PEMT: variants seen among roughly 807,000 people sequenced by gnomAD.
PEMT encodes phospholipid methyltransferase.
PEMT carries 23 observed loss-of-function variants against 27.4 expected under a neutral mutation model. The ratio of observed to expected loss-of-function variants is 0.84; its 90% CI spans 0.60 to 1.19. PEMT has a LOEUF of 1.19. Among genes scored for constraint, PEMT ranks in the 50% most tolerant of loss-of-function variants. The pLI, the probability that PEMT is intolerant of heterozygous loss-of-function variation, is 0.00. For missense variants in PEMT, 307 were observed against 310.1 expected (o/e 0.99, Z 0.07); for synonymous variants, 137 against 139.1 (o/e 0.98, Z 0.11).
At chr17:17,539,011 TTTTG>T (rs1320929902) in intron 2 of PEMT, among the ~76,000 whole-genome samples, 2 of 152,142 alleles carry the variant, frequency 1.3e-5, no homozygotes, top group African/African-American at 2.4e-5. Flanking sequence ...CAGCTTTTTG[TTTTG>T]TTTTTGTTTC....
intron 3 of PEMT, among the ~76,000 whole-genome samples, chr17:17,519,786 G>T (rs1196209561): frequency 1.3e-5 from 2 of 152,208 alleles, no homozygotes; most frequent in African/African-American, 4.8e-5. Context: ...TGCAAGATGA[G>T]ATTGCGCAGG....
intron 1 of PEMT, among the ~76,000 whole-genome samples, chr17:17,581,710 C>T (rs1449821634): frequency 1.3e-5 from 2 of 152,230 alleles, no homozygotes; most frequent in African/African-American, 4.8e-5. Context: ...CCCTCTCCCT[C>T]CTGTGCCCAG....
chr17:17,560,166 G>A (rs56656484), intron 2 of PEMT, among the ~76,000 whole-genome samples: 1 of 152,192 alleles, frequency 6.6e-6, no homozygotes, highest in Admixed American at 6.5e-5. Context: ...GGCAGGCATC[G>A]GGTGAAGGCA....
chr17:17,570,731 G>A, intron 2 of PEMT: 1 of 985,392 alleles, frequency 1.0e-6, no homozygotes, highest in African/African-American at 1.7e-5. Flanking sequence ...GGAAAACCTG[G>A]GGACCTCTGA....
chr17:17,576,245 G>GC (rs1039314678), intron 2 of PEMT, among the ~76,000 whole-genome samples: 33 of 152,286 alleles, frequency 2.2e-4, no homozygotes, highest in African/African-American at 7.7e-4. Context: ...GGAACTGACG[G>GC]CCCTCCCCTC....
intron 2 of PEMT, chr17:17,570,579 C>T (rs1056966822): frequency 3.9e-5 from 38 of 985,256 alleles, no homozygotes; most frequent in South Asian, 3.8e-4. Context: ...CTCCAAGCTG[C>T]GGTAACAAAG....
At chr17:17,531,693 TG>T (rs1234490204) in intron 2 of PEMT, among the ~76,000 whole-genome samples, 1 of 143,936 alleles carries the variant, frequency 6.9e-6, no homozygotes, top group East Asian at 2.1e-4. Context: ...GAATTCAAGA[TG>T]GACTATAAAT....
chr17:17,563,639 C>T (rs544702751), intron 2 of PEMT, among the ~76,000 whole-genome samples: 12 of 152,322 alleles, frequency 7.9e-5, no homozygotes, highest in African/African-American at 2.2e-4. Context: ...ATGCTGCTAC[C>T]GTAAGCGGGT....
At chr17:17,541,536 C>CA (rs1242066189) in intron 2 of PEMT, among the ~76,000 whole-genome samples, 1 of 152,228 alleles carries the variant, frequency 6.6e-6, no homozygotes, top group Non-Finnish European at 1.5e-5. Context: ...CCCAAGGCGC[C>CA]AGTTCCCTGG....
At chr17:17,577,554 C>T (rs534642638) in intron 1 of PEMT, 26 of 989,288 alleles carry the variant, frequency 2.6e-5, no homozygotes, top group African/African-American at 2.6e-4. Flanking sequence ...ATCCCGGCCA[C>T]GCCACCCGCA....
chr17:17,552,488 G>A (rs1021627049), intron 2 of PEMT, among the ~76,000 whole-genome samples: 17 of 152,174 alleles, frequency 1.1e-4, no homozygotes, highest in Admixed American at 7.2e-4. Flanking sequence ...GCTGATCCCC[G>A]TGAGGAGACA....
chr17:17,567,295 C>T (rs4646359), intron 2 of PEMT, among the ~76,000 whole-genome samples: 68,069 of 152,210 alleles, frequency 0.45, 15,798 homozygotes, highest in Middle Eastern at 0.52. Context: ...CAGTTCGAGA[C>T]ACCTTGTTGT....
At chr17:17,518,884 G>A (rs1907057301) in intron 3 of PEMT, 1 of 152,288 alleles carries the variant, frequency 6.6e-6, no homozygotes, top group Non-Finnish European at 1.5e-5. Context: ...GGCCTATAGG[G>A]TGAGGAAAAA....
In PEMT at chr17:17,508,976, G is replaced by A. The variant is rs758070189; in HGVS notation, c.578+458C>T. On this transcript the variant is annotated intron_variant, in intron 5 of 6. Transcript: ENST00000255389. ...CCCCGCACAAGGGTCCGCAAACTAC[G>A]GCCTAGGGGCCAAGAACGCCTGTTA... The A allele has an allele frequency of 3.5e-5, 10 of 283,672 alleles. No individual in the cohort carries two copies. The Admixed American group carries it at 4.2e-4, about 12-fold the overall frequency. The allele number at this position is 283,672 out of a possible 1,614,324, so 17.6% of individuals were successfully genotyped here. A position where few individuals can be genotyped will look rare whatever the true frequency, so the allele number is the denominator to read the frequency against.
chr17:17,587,675 C>A (rs564100470), intron 1 of PEMT, among the ~76,000 whole-genome samples: 1 of 152,144 alleles, frequency 6.6e-6, no homozygotes, highest in Non-Finnish European at 1.5e-5. Flanking sequence ...CCAGCCTGGC[C>A]AACAACCCTG....
rs919314303 is a variant in PEMT, at chr17:17,584,821, C to T, written c.96+6710G>A. On this transcript the variant is annotated intron_variant, in intron 1 of 6. Transcript: ENST00000255389. ...TGATGAGACAAGGACGCCCGTGCCA[C>T]GGCGGGCAGCCATCTCCCCTCGCTG... 7.9e-5 allele frequency among the ~76,000 whole-genome samples: 12 copies of T among 152,260 alleles called. No individual in the cohort carries two copies. In the South Asian group the frequency reaches 8.3e-4, roughly 11 times the overall value.
intron 2 of PEMT, among the ~76,000 whole-genome samples, chr17:17,540,576 A>G (rs957583834): frequency 6.6e-6 from 1 of 152,170 alleles, no homozygotes; most frequent in Non-Finnish European, 1.5e-5. Context: ...ACCCGCGTCT[A>G]CTTGAGGACA....
chr17:17,507,130 C>A, intron 5 of PEMT: 1 of 1,550,650 alleles, frequency 6.4e-7, no homozygotes, highest in South Asian at 1.2e-5. Context: ...CCAGAAATAG[C>A]TGCCGTCAAG....
chr17:17,552,935 T>C (rs1248037336), intron 2 of PEMT, among the ~76,000 whole-genome samples: 1 of 152,164 alleles, frequency 6.6e-6, no homozygotes, highest in African/African-American at 2.4e-5. Context: ...CCAGGAGCCT[T>C]GGCTGGAGGG....
Sources: gnomAD v4.1 joint callset for allele counts (sites outside exome capture counted in the v4.1 genomes callset) on GRCh38, gnomAD v4.1.1 for gene constraint, MANE v1.5 for transcripts, NCBI Gene and HGNC (gene_info 2026-07-23, HGNC 2026-07-21) for gene names.